The following NAA35 variants were observed in gnomAD, a reference collection of about 807,000 sequenced individuals.
NAA35 encodes MAK10 homolog, amino-acid N-acetyltransferase subunit.
Under a neutral mutation model 101.7 loss-of-function variants are expected in NAA35, and 18 were observed. That is an observed-to-expected ratio of 0.18 (90% CI 0.12 to 0.26). The LOEUF (loss-of-function observed/expected upper bound fraction) is 0.26, where lower values mean the gene tolerates loss of function less well. Among genes scored for constraint, NAA35 ranks in the 10% least tolerant of loss-of-function variants. The pLI, the probability that NAA35 is intolerant of heterozygous loss-of-function variation, is 1.00. For missense variants in NAA35, 601 were observed against 886.8 expected, an observed-to-expected ratio of 0.68 and a Z score of 4.09; for synonymous variants, 267 against 273.1, an observed-to-expected ratio of 0.98 and a Z score of 0.22.
rs995209836 is a variant in NAA35, at chr9:85,991,477, G to A, written c.878-4922G>A. On this transcript the variant is annotated intron_variant, in intron 11 of 22. Transcript: ENST00000361671. ...ATAAGTGGGGGGAAGAGGCTGTCCA[G>A]GAGGACTGGATGGCATGAGATGTCA... 5.3e-5 allele frequency among the ~76,000 whole-genome samples: 8 copies of A among 150,516 alleles called. 1 individual carries two copies.
At chr9:85,941,442 C>T in intron 1 of NAA35, 169 bp downstream of exon 1, 3 of 985,484 alleles carry the variant, frequency 3.0e-6, no homozygotes, top group Non-Finnish European at 2.4e-6. Flanking sequence ...CGCTGTCGGC[C>T]GAGGCCCCAC....
At chr9:85,993,491 C>CCACA (rs1564312842) in intron 11 of NAA35, among the ~76,000 whole-genome samples, 2 of 152,110 alleles carry the variant, frequency 1.3e-5, no homozygotes, top group Non-Finnish European at 2.9e-5. Flanking sequence ...TCCATAGGGA[C>CCACA]AGGAAGAAGT....
intron 6 of NAA35, among the ~76,000 whole-genome samples, chr9:85,970,593 A>G (rs957331444): frequency 2.6e-5 from 4 of 152,178 alleles, no homozygotes; most frequent in African/African-American, 9.7e-5. Flanking sequence ...CCTATCAAAT[A>G]TGATATAACT....
intron 11 of NAA35, among the ~76,000 whole-genome samples, chr9:85,980,212 A>T (rs1315193580): frequency 6.6e-6 from 1 of 152,208 alleles, no homozygotes; most frequent in Non-Finnish European, 1.5e-5. Flanking sequence ...AGGAACCTCC[A>T]CATGTTCAGA....
intron 12 of NAA35, among the ~76,000 whole-genome samples, chr9:85,999,952 TTTTCA>T (rs1451397701): frequency 6.6e-6 from 1 of 152,202 alleles, no homozygotes; most frequent in African/African-American, 2.4e-5. Context: ...AACCCATATC[TTTTCA>T]TTTTTTAGAT....
At chr9:85,996,367 G>A in intron 11 of NAA35, 32 bp from the exon 12 acceptor site, 1 of 1,490,972 alleles carries the variant, frequency 6.7e-7, no homozygotes, top group Non-Finnish European at 9.0e-7. Context: ...GAGAAAAGTT[G>A]AAAAATTTTA....
chr9:86,010,518 A>G (rs1287226265), intron 15 of NAA35, among the ~76,000 whole-genome samples: 1 of 151,694 alleles, frequency 6.6e-6, no homozygotes, highest in Non-Finnish European at 1.5e-5. Context: ...TGCTTCCTCA[A>G]AATTTTTTGT....
chr9:86,007,878 T>TAA (rs111329662), intron 14 of NAA35, among the ~76,000 whole-genome samples: 250 of 151,006 alleles, frequency 1.7e-3, no homozygotes, highest in African/African-American at 5.8e-3. Context: ...TACACTTTGT[T>TAA]AAAAAAAAAG....
rs141991899 is a variant in NAA35, at chr9:85,996,407, A to G, written c.886A>G (p.Ile296Val). 251 of 1,578,296 alleles carry G rather than the reference A, an allele frequency of 1.6e-4. 2 individuals carry two copies. In the Middle Eastern group the frequency reaches 4.4e-3, roughly 27 times the overall value. Residue 296 changes from isoleucine to valine, a missense_variant, in exon 12 of 23, where the codon ATT (isoleucine) becomes GTT (valine). This residue lies in a region of NAA35 where 190 missense variants were observed against 223.1 expected (regional missense o/e 0.85). Coordinates refer to ENST00000361671, the MANE Select transcript of NAA35 (RefSeq NM_024635.4). ...CATTTTTTTCTTTTTAGATCATCCAATTATGATGGGTTTTGAACCCCTTGT... is the reference window on the plus strand; with the variant it reads ...CATTTTTTTCTTTTTAGATCATCCAGTTATGATGGGTTTTGAACCCCTTGT... ...QNDTTKGDHP[I>V]MMGFEPLVNQ...
intron 17 of NAA35, among the ~76,000 whole-genome samples, chr9:86,014,728 T>G (rs1832117826): frequency 6.6e-6 from 1 of 152,234 alleles, no homozygotes; most frequent in Middle Eastern, 3.2e-3. Context: ...GATTTTGTTA[T>G]GAGCAGTGAA....
intron 21 of NAA35, among the ~76,000 whole-genome samples, chr9:86,019,386 G>A (rs1564331030): frequency 1.3e-5 from 2 of 152,278 alleles, no homozygotes; most frequent in South Asian, 2.1e-4. Context: ...ATTTGAACCC[G>A]GGAGGCGGAG....
At chr9:85,957,684 A>G (rs192412328) in intron 3 of NAA35, among the ~76,000 whole-genome samples, 129 of 152,350 alleles carry the variant, frequency 8.5e-4, no homozygotes, top group African/African-American at 2.9e-3. Context: ...TTATATGCCC[A>G]TATGTAGCCC....
intron 19 of NAA35, 65 bp downstream of exon 19, chr9:86,017,630 A>C: frequency 7.8e-7 from 1 of 1,274,852 alleles, no homozygotes; most frequent in Non-Finnish European, 1.1e-6. Flanking sequence ...AGTTTATTTA[A>C]ACTGTTTTCT....
chr9:86,016,412 T>C, intron 17 of NAA35, 127 bp from the exon 18 acceptor site: 1 of 720,432 alleles, frequency 1.4e-6, no homozygotes, highest in Non-Finnish European at 2.2e-6. Flanking sequence ...ATCTAATCTA[T>C]TATCTAATGA....
chr9:85,974,890 T>C (rs1830145851), intron 6 of NAA35, 77 bp from the exon 7 acceptor site: 1 of 978,924 alleles, frequency 1.0e-6, no homozygotes, highest in Admixed American at 2.2e-5. Context: ...AAGAGAAATA[T>C]AAAGAAAAGT....
chr9:85,968,166 A>C (rs1028391093), intron 6 of NAA35, among the ~76,000 whole-genome samples: 3 of 151,326 alleles, frequency 2.0e-5, no homozygotes, highest in African/African-American at 7.3e-5. Context: ...GAGTTTCTGA[A>C]CTCTTCTCTC....
chr9:85,958,622 C>G (rs770686410), intron 4 of NAA35, 36 bp downstream of exon 4: 3 of 1,332,332 alleles, frequency 2.3e-6, no homozygotes, highest in South Asian at 2.5e-5. Flanking sequence ...TTCCATTTAT[C>G]TTTTGTTACT....
chr9:85,986,476 T>A, intron 11 of NAA35: 1 of 469,770 alleles, frequency 2.1e-6, no homozygotes, highest in South Asian at 1.5e-5. Flanking sequence ...TTTTCAGGTC[T>A]CTGACATCTT....
chr9:86,022,467 G>A lies in NAA35; in HGVS notation c.*507G>A, dbSNP rs537299387. ...ATTTTGGTAAAATACATTTAGAAGGGATTTTTGGGAGGGCCTCTAAATTAC... is the reference window on the plus strand; with the variant it reads ...ATTTTGGTAAAATACATTTAGAAGGAATTTTTGGGAGGGCCTCTAAATTAC... On this transcript the variant is annotated 3_prime_UTR_variant, in exon 23 of 23. Coordinates refer to ENST00000361671, the MANE Select transcript of NAA35 (RefSeq NM_024635.4). Among the ~76,000 whole-genome samples, 2 of 151,888 alleles carry A rather than the reference G, an allele frequency of 1.3e-5. No homozygotes were observed. The highest frequency in any genetic ancestry group is 3.9e-4 in the East Asian group (2 of 5,176).
Sources: allele counts gnomAD v4.1 joint callset (sites outside exome capture counted in the v4.1 genomes callset), GRCh38; gene constraint gnomAD v4.1.1; regional missense constraint gnomAD v4.1.1; transcripts MANE v1.5; gene names NCBI Gene and HGNC (gene_info 2026-07-23, HGNC 2026-07-21).